FRMPD4: variants seen among roughly 807,000 people sequenced by gnomAD.
FRMPD4 encodes FERM and PDZ domain-containing protein 4.
FRMPD4 carries 22 observed loss-of-function variants against 94.1 expected under a neutral mutation model. The ratio of observed to expected loss-of-function variants is 0.23; its 90% confidence interval spans 0.17 to 0.33. FRMPD4 has a LOEUF of 0.33. Among genes scored for constraint, FRMPD4 ranks in the 10% least tolerant of loss-of-function variants. FRMPD4 has a pLI of 1.00. For synonymous variants in FRMPD4, 631 were observed against 548.6 expected (o/e 1.15, Z -2.10); for missense variants, 1,111 against 1,339.9 (o/e 0.83, Z 2.67).
chrX:11,956,180 T>C (rs1034776404), intron 3 of FRMPD4, among the ~76,000 whole-genome samples: 6 of 111,955 alleles, frequency 5.4e-5, no homozygotes, highest in African/African-American at 1.9e-4. Flanking sequence ...TGCCATATGC[T>C]TGATCGCTGC....
chrX:12,127,947 G>C (rs1445646637), intron 3 of FRMPD4, among the ~76,000 whole-genome samples: 1 of 112,874 alleles, frequency 8.9e-6, no homozygotes, highest in African/African-American at 3.2e-5. Flanking sequence ...CTCATATCCA[G>C]GTCATGCCAA....
At chrX:12,647,284 AC>A (rs1314082889) in intron 4 of FRMPD4, among the ~76,000 whole-genome samples, 1 of 112,251 alleles carries the variant, frequency 8.9e-6, no homozygotes, top group Middle Eastern at 4.2e-3. Flanking sequence ...GAGATGTGAG[AC>A]CAAAAAGGAA....
At chrX:12,516,144 C>T (rs2058093603) in intron 2 of FRMPD4, among the ~76,000 whole-genome samples, 1 of 111,797 alleles carries the variant, frequency 8.9e-6, no homozygotes, top group African/African-American at 3.3e-5. Flanking sequence ...GGTCTTGACT[C>T]TTTATCCAAC....
At chrX:12,613,309 G>A (rs1377201516) in intron 3 of FRMPD4, among the ~76,000 whole-genome samples, 1 of 111,548 alleles carries the variant, frequency 9.0e-6, no homozygotes, top group Admixed American at 9.5e-5. Context: ...CAGTGACTAG[G>A]TTCTGAATTA....
chrX:11,848,677 A>G (rs1360061538), intron 1 of FRMPD4, among the ~76,000 whole-genome samples: 1 of 110,340 alleles, frequency 9.1e-6, no homozygotes, highest in African/African-American at 3.3e-5. Context: ...CCCCCTGTGG[A>G]TGATCCACTT....
At chrX:12,279,321 A>G (rs2054489960) in intron 1 of FRMPD4, among the ~76,000 whole-genome samples, 1 of 108,695 alleles carries the variant, frequency 9.2e-6, no homozygotes, top group African/African-American at 3.4e-5. Flanking sequence ...GGTGGACCCA[A>G]CTCTCTTCTC....
chrX:12,221,888 A>T (rs2056872533), intron 1 of FRMPD4, among the ~76,000 whole-genome samples: 1 of 112,245 alleles, frequency 8.9e-6, no homozygotes, highest in Admixed American at 9.5e-5. Context: ...CATCCACAGG[A>T]TGGAATATAA....
chrX:12,500,206 G>GA (rs34277181), intron 2 of FRMPD4, among the ~76,000 whole-genome samples: 7 of 110,085 alleles, frequency 6.4e-5, no homozygotes, highest in African/African-American at 1.7e-4. Context: ...TTGGAGGCCA[G>GA]AAAAAAAAAT....
intron 1 of FRMPD4, among the ~76,000 whole-genome samples, chrX:12,171,808 A>G (rs1369302316): frequency 8.9e-6 from 1 of 111,960 alleles, no homozygotes; most frequent in Non-Finnish European, 1.9e-5. Flanking sequence ...AACGGCTACC[A>G]GAGACTTGGG....
In FRMPD4 at chrX:11,974,423, C is replaced by A. The variant is rs1452122744; in HGVS notation, c.95+96405C>A. Among the ~76,000 whole-genome samples the A allele has an allele frequency of 3.6e-5, 4 of 111,960 alleles. No homozygotes were observed. In the East Asian group the frequency reaches 1.1e-3, roughly 31 times the overall value. On this transcript the variant is annotated intron_variant, in intron 3 of 18. Transcript: ENST00000640291. ...TGCCATGAGTGGAAGCAGCCTGAGG[C>A]CTTCACCTGATGCAGATGCTGGCAC...
intron 1 of FRMPD4, among the ~76,000 whole-genome samples, chrX:12,197,422 T>C (rs1478496028): frequency 8.9e-6 from 1 of 111,871 alleles, no homozygotes; most frequent in African/African-American, 3.2e-5. Flanking sequence ...ATATGTCTGC[T>C]CCTGGCCTTC....
At chrX:11,932,996 AGCCCTACAGT>A (rs1311771048) in intron 3 of FRMPD4, among the ~76,000 whole-genome samples, 2 of 112,108 alleles carry the variant, frequency 1.8e-5, no homozygotes, top group African/African-American at 6.5e-5. Flanking sequence ...TCTCACTGTC[AGCCCTACAGT>A]GCCTGGCACT....
intron 2 of FRMPD4, among the ~76,000 whole-genome samples, chrX:12,521,345 A>G (rs1047952288): frequency 8.9e-6 from 1 of 112,008 alleles, no homozygotes; most frequent in African/African-American, 3.2e-5. Context: ...GTATTTGCTC[A>G]GAATCCTCAA....
At chrX:11,890,385 A>G (rs980317602) in intron 3 of FRMPD4, among the ~76,000 whole-genome samples, 5 of 111,429 alleles carry the variant, frequency 4.5e-5, no homozygotes, top group Non-Finnish European at 9.4e-5. Flanking sequence ...GGAGCTCTGA[A>G]TGCACATTAA....
chrX:12,404,428 T>A (rs1361285801), intron 1 of FRMPD4, among the ~76,000 whole-genome samples: 1 of 112,474 alleles, frequency 8.9e-6, no homozygotes, highest in Admixed American at 9.4e-5. Flanking sequence ...GAAGAAGTCA[T>A]GTCTTGTAGA....
At chrX:12,396,001 G>A in intron 1 of FRMPD4, 1 of 161,861 alleles carries the variant, frequency 6.2e-6, no homozygotes, top group Non-Finnish European at 1.2e-5. Context: ...AGCATGTGCA[G>A]CAAAAATTCA....
chrX:11,824,415 C>T (rs2053429108), intron 1 of FRMPD4, among the ~76,000 whole-genome samples: 1 of 111,689 alleles, frequency 9.0e-6, no homozygotes, highest in Non-Finnish European at 1.9e-5. Flanking sequence ...ATAACCTTGG[C>T]CATTGACCTT....
chrX:12,387,108 G>A (rs1195368177), intron 1 of FRMPD4, among the ~76,000 whole-genome samples: 2 of 111,786 alleles, frequency 1.8e-5, no homozygotes, highest in East Asian at 2.8e-4. Flanking sequence ...TTTAACTACC[G>A]AGTTAAGAAA....
chrX:12,553,130 G>A (rs2058554227), intron 2 of FRMPD4, among the ~76,000 whole-genome samples: 1 of 110,235 alleles, frequency 9.1e-6, no homozygotes, highest in Non-Finnish European at 1.9e-5. Context: ...TTGCACTCCA[G>A]GCTGGGCAAC....
Sources: allele counts gnomAD v4.1 joint callset (sites outside exome capture counted in the v4.1 genomes callset), GRCh38; gene constraint gnomAD v4.1.1; transcripts MANE v1.5; gene names NCBI Gene and HGNC (gene_info 2026-07-23, HGNC 2026-07-21).